Variants in MCHR2 observed in about 807,000 individuals in gnomAD.
The protein encoded by MCHR2 is melanin concentrating hormone receptor 2, also known as melanin-concentrating hormone receptor 2.
In MCHR2, 15 loss-of-function variants were observed where a neutral mutation model predicts 24.8. The observed-to-expected ratio is 0.60, with a 90% CI of 0.40 to 0.93. The LOEUF (loss-of-function observed/expected upper bound fraction) is 0.93, where lower values mean the gene tolerates loss of function less well. MCHR2 is among the 40% of genes least tolerant of loss of function. The pLI is 0.00. For synonymous variants in MCHR2, 151 were observed against 147.6 expected (o/e 1.02, Z -0.17); for missense variants, 386 against 408.7 (o/e 0.94, Z 0.48).
chr6:99,945,998 A>G (rs1774864801), intron 3 of MCHR2, among the ~76,000 whole-genome samples: 1 of 151,996 alleles, frequency 6.6e-6, no homozygotes, highest in South Asian at 2.1e-4. Context: ...ACAGTAAGAG[A>G]TTTATAGGAG....
At chr6:99,974,112 G>A in intron 1 of MCHR2, among the ~76,000 whole-genome samples, 1 of 152,168 alleles carries the variant, frequency 6.6e-6, no homozygotes, top group Non-Finnish European at 1.5e-5. Context: ...GGCCTGCCTT[G>A]CTAGATTGGG....
At chr6:99,946,530 CAT>C in intron 3 of MCHR2, among the ~76,000 whole-genome samples, 1 of 152,218 alleles carries the variant, frequency 6.6e-6, no homozygotes, top group Middle Eastern at 3.4e-3. Flanking sequence ...GGAAATTTAA[CAT>C]ACCCTTCAAG....
At chr6:99,977,823 A>C (rs1476753153) in intron 1 of MCHR2, among the ~76,000 whole-genome samples, 2 of 152,216 alleles carry the variant, frequency 1.3e-5, no homozygotes, top group African/African-American at 4.8e-5. Flanking sequence ...AGACTCATCT[A>C]CTTAAAAACA....
intron 1 of MCHR2, among the ~76,000 whole-genome samples, chr6:99,972,238 A>C (rs1315404603): frequency 3.9e-5 from 6 of 152,100 alleles, no homozygotes; most frequent in Admixed American, 6.6e-5. Context: ...ACAATTTCAG[A>C]GCCTGTTATT....
chr6:99,920,918 TC>T lies in MCHR2; in HGVS notation c.*21del. The T allele has an allele frequency of 3.1e-6, 5 of 1,606,144 alleles. No individual in the cohort carries two copies. The highest frequency in any genetic ancestry group is 2.6e-6 in the Non-Finnish European group (3 of 1,174,674). On this transcript the variant is annotated 3_prime_UTR_variant, in exon 6 of 6. Coordinates refer to ENST00000281806, the MANE Select transcript of MCHR2 (RefSeq NM_001040179.2). The stretch of plus-strand genomic sequence containing the variant: ...GTAAGATAGACAATCATGTCTAGAC[TC>T]ATGGTGATCCATGTACTTTCCTAAA...
chr6:99,964,617 G>A (rs895536734), intron 1 of MCHR2, among the ~76,000 whole-genome samples: 1 of 152,038 alleles, frequency 6.6e-6, no homozygotes, highest in Non-Finnish European at 1.5e-5. Flanking sequence ...ACAGCATGGG[G>A]GAAACTGCCC....
chr6:99,932,057 T>A (rs1345300553), intron 5 of MCHR2, among the ~76,000 whole-genome samples: 2 of 152,178 alleles, frequency 1.3e-5, no homozygotes, highest in African/African-American at 4.8e-5. Flanking sequence ...CTAGTGTTGA[T>A]GAAATTCCTC....
chr6:99,946,657 C>T (rs1383447817), intron 3 of MCHR2, among the ~76,000 whole-genome samples: 2 of 152,070 alleles, frequency 1.3e-5, no homozygotes, highest in African/African-American at 4.8e-5. Context: ...GTGGAATTGA[C>T]ATCTGAGGTA....
At chr6:99,928,412 G>T (rs960886074) in intron 5 of MCHR2, among the ~76,000 whole-genome samples, 9 of 152,028 alleles carry the variant, frequency 5.9e-5, no homozygotes, top group Non-Finnish European at 8.8e-5. Flanking sequence ...AGAAGGAATG[G>T]TACCAGTTCC....
chr6:99,980,024 A>G (rs1055233229), intron 1 of MCHR2, among the ~76,000 whole-genome samples: 2 of 152,246 alleles, frequency 1.3e-5, no homozygotes, highest in African/African-American at 4.8e-5. Context: ...CTAGCATTAA[A>G]GTACTGTCAT....
chr6:99,927,559 G>T (rs527455750), intron 5 of MCHR2, among the ~76,000 whole-genome samples: 2 of 152,212 alleles, frequency 1.3e-5, no homozygotes, highest in Non-Finnish European at 1.5e-5. Context: ...CGCGTCCCTT[G>T]TAAGTTGGAT....
rs1408289982 is a variant in MCHR2, at chr6:99,994,203, G to C, written c.-295C>G. The C allele has an allele frequency of 1.3e-5, 2 of 152,180 alleles. No individual in the cohort carries two copies. The highest frequency in any genetic ancestry group is 2.9e-5 in the Non-Finnish European group (2 of 68,036). 9.4% of individuals were successfully genotyped at this position (152,180 alleles called of 1,614,324 possible). ...TGCCACTTCATCCAATCCGAGCATC[G>C]GGTGCGTCGTGCTCTTTTCTAGGAG... On this transcript the variant is annotated 5_prime_UTR_variant, in exon 1 of 6. Transcript: ENST00000281806.
intron 4 of MCHR2, among the ~76,000 whole-genome samples, chr6:99,937,308 A>G (rs1289275339): frequency 6.6e-6 from 1 of 151,762 alleles, no homozygotes; most frequent in Admixed American, 6.6e-5. Flanking sequence ...AAGGCCTTCA[A>G]TTTTTCCCCA....
chr6:99,978,126 A>G lies in MCHR2; in HGVS notation c.-28+15810T>C, dbSNP rs180814420. On this transcript the variant is annotated intron_variant, in intron 1 of 5. Coordinates refer to ENST00000281806, the MANE Select transcript of MCHR2 (RefSeq NM_001040179.2). ...GATGGGCCTCTCTGGCAGGGCCACA[A>G]TCAGAGACAAGGTAGGTTTCCACTT... 3.9e-5 allele frequency among the ~76,000 whole-genome samples: 6 copies of G among 152,336 alleles called. No homozygotes were observed. In the East Asian group the frequency reaches 5.8e-4, roughly 15 times the overall value.
intron 1 of MCHR2, among the ~76,000 whole-genome samples, chr6:99,963,909 T>C (rs1007711631): frequency 6.6e-6 from 1 of 152,034 alleles, no homozygotes; most frequent in Non-Finnish European, 1.5e-5. Context: ...GTTCAAAATA[T>C]ATAAACTATC....
intron 2 of MCHR2, among the ~76,000 whole-genome samples, chr6:99,954,577 G>A (rs1775024688): frequency 6.6e-6 from 1 of 152,106 alleles, no homozygotes; most frequent in African/African-American, 2.4e-5. Context: ...TTTCACAGCT[G>A]GTGCAGGTGT....
At chr6:99,972,853 T>C (rs939152977) in intron 1 of MCHR2, among the ~76,000 whole-genome samples, 1 of 152,216 alleles carries the variant, frequency 6.6e-6, no homozygotes, top group Non-Finnish European at 1.5e-5. Flanking sequence ...TTGTTCAGTT[T>C]CCATGTAGTT....
At chr6:99,951,433 C>G (rs542811976) in intron 2 of MCHR2, among the ~76,000 whole-genome samples, 1 of 152,176 alleles carries the variant, frequency 6.6e-6, no homozygotes, top group Admixed American at 6.5e-5. Flanking sequence ...TTTGCCAACC[C>G]TTCCCTAGAT....
chr6:99,986,554 T>C (rs1001738080), intron 1 of MCHR2, among the ~76,000 whole-genome samples: 4 of 152,122 alleles, frequency 2.6e-5, no homozygotes, highest in Non-Finnish European at 5.9e-5. Context: ...ATTATTCTAA[T>C]TGAAATGACT....
Sources: gnomAD v4.1 joint callset for allele counts (sites outside exome capture counted in the v4.1 genomes callset) on GRCh38, gnomAD v4.1.1 for gene constraint, MANE v1.5 for transcripts, NCBI Gene and HGNC (gene_info 2026-07-23, HGNC 2026-07-21) for gene names.